XPR1: variants seen among roughly 807,000 people sequenced by gnomAD.
XPR1 encodes the protein xenotropic and polytropic retrovirus receptor 1.
In XPR1, 28 loss-of-function variants were observed where a neutral mutation model predicts 87.5. That is an observed-to-expected ratio of 0.32 (90% CI 0.24 to 0.44). The LOEUF is 0.44. Among genes scored for constraint, XPR1 ranks in the 20% least tolerant of loss-of-function variants. The probability of loss-of-function intolerance (pLI) is 1.00; values close to 1 mark genes in which losing one functional copy is unlikely to be tolerated. For synonymous variants in XPR1, 300 were observed against 306.1 expected (o/e 0.98, Z 0.21); for missense variants, 559 against 862.3 (o/e 0.65, Z 4.41).
At chr1:180,728,179 AAATT>A (rs1658421294) in intron 2 of XPR1, among the ~76,000 whole-genome samples, 1 of 152,200 alleles carries the variant, frequency 6.6e-6, no homozygotes, top group Non-Finnish European at 1.5e-5. Context: ...ATTTTAAAGA[AAATT>A]AAGGTGTTTT....
chr1:180,740,967 C>T (rs900284891), intron 2 of XPR1, among the ~76,000 whole-genome samples: 1 of 152,162 alleles, frequency 6.6e-6, no homozygotes, highest in Non-Finnish European at 1.5e-5. Context: ...AAGGGCTCTG[C>T]CATCATTACC....
At chr1:180,726,742 G>A (rs1339604585) in intron 2 of XPR1, among the ~76,000 whole-genome samples, 3 of 152,040 alleles carry the variant, frequency 2.0e-5, no homozygotes, top group African/African-American at 7.2e-5. Flanking sequence ...GTAAAATAAT[G>A]CCACTCTTCT....
chr1:180,650,755 C>CT (rs1441634935), intron 1 of XPR1, among the ~76,000 whole-genome samples: 1 of 151,986 alleles, frequency 6.6e-6, no homozygotes, highest in Admixed American at 6.6e-5. Flanking sequence ...GCAATTGAGC[C>CT]TTTTTTTCAT....
chr1:180,712,786 A>G (rs576409104), intron 2 of XPR1, among the ~76,000 whole-genome samples: 1 of 152,278 alleles, frequency 6.6e-6, no homozygotes, highest in Non-Finnish European at 1.5e-5. Flanking sequence ...AGCCTGGGCA[A>G]CAGAATGAGA....
intron 3 of XPR1, among the ~76,000 whole-genome samples, chr1:180,800,059 A>T (rs1028410678): frequency 2.0e-5 from 3 of 152,204 alleles, no homozygotes; most frequent in East Asian, 1.9e-4. Flanking sequence ...CCCTTTCTTC[A>T]TCATGTTCCT....
At chr1:180,721,064 A>G (rs1005030726) in intron 2 of XPR1, among the ~76,000 whole-genome samples, 5 of 152,162 alleles carry the variant, frequency 3.3e-5, no homozygotes, top group Admixed American at 2.6e-4. Flanking sequence ...GTGAAACCCC[A>G]TCTCTAGTAA....
At chr1:180,818,005 GA>G (rs60291519) in intron 7 of XPR1, among the ~76,000 whole-genome samples, 56,323 of 141,886 alleles carry the variant, frequency 0.4, 10,738 homozygotes, top group African/African-American at 0.43. Flanking sequence ...GGATATAAGT[GA>G]AAAAAAAAAA....
At position 180,884,123 on chromosome 1, in the gene XPR1, G is replaced by A. The variant is rs1480939434; in HGVS notation, c.*57G>A. On this transcript the variant is annotated 3_prime_UTR_variant, in exon 15 of 15. Coordinates refer to ENST00000367590, the MANE Select transcript of XPR1 (RefSeq NM_004736.4). Reference sequence around the variant, plus strand: ...TTTCCTACTCTACAATCCTTTCCTCGACCAACGCAACCTCTAGTACCTTTC... The same window carrying A: ...TTTCCTACTCTACAATCCTTTCCTCAACCAACGCAACCTCTAGTACCTTTC... 5.8e-6 allele frequency: 9 copies of A among 1,539,988 alleles called. No individual in the cohort carries two copies. Among genetic ancestry groups the A allele is most frequent in the Middle Eastern group, 1.7e-4 (1 of 5,944 alleles).
intron 11 of XPR1, among the ~76,000 whole-genome samples, chr1:180,840,807 A>G (rs1263873247): frequency 6.6e-6 from 1 of 152,064 alleles, no homozygotes; most frequent in Non-Finnish European, 1.5e-5. Flanking sequence ...ATATATGTCC[A>G]TGTGTAAGCA....
intron 1 of XPR1, among the ~76,000 whole-genome samples, chr1:180,660,649 T>C (rs767851983): frequency 4.6e-5 from 7 of 152,240 alleles, no homozygotes; most frequent in Non-Finnish European, 1.0e-4. Flanking sequence ...TGTGTTTGTA[T>C]AGTCTCTAAA....
chr1:180,674,478 T>C (rs1656296714), intron 1 of XPR1, among the ~76,000 whole-genome samples: 1 of 152,088 alleles, frequency 6.6e-6, no homozygotes, highest in African/African-American at 2.4e-5. Context: ...AGGCTGGTCT[T>C]GAACTCCTGA....
chr1:180,720,405 A>G (rs942284105), intron 2 of XPR1, among the ~76,000 whole-genome samples: 1 of 152,202 alleles, frequency 6.6e-6, no homozygotes, highest in African/African-American at 2.4e-5. Flanking sequence ...GAGATACAAC[A>G]TAAAAGACTT....
At chr1:180,837,582 A>G (rs1426469955) in intron 11 of XPR1, among the ~76,000 whole-genome samples, 3 of 152,228 alleles carry the variant, frequency 2.0e-5, no homozygotes, top group African/African-American at 7.2e-5. Context: ...CATTGCTTCA[A>G]TAAACCTTGA....
At chr1:180,823,240 C>CAA (rs35189351) in intron 7 of XPR1, among the ~76,000 whole-genome samples, 49,903 of 135,586 alleles carry the variant, frequency 0.37, 8,779 homozygotes, top group Non-Finnish European at 0.41. Context: ...GACTCCATCT[C>CAA]AAAAAAAAAA....
At chr1:180,818,719 G>A (rs957052865) in intron 7 of XPR1, among the ~76,000 whole-genome samples, 6 of 152,124 alleles carry the variant, frequency 3.9e-5, no homozygotes, top group South Asian at 2.1e-4. Flanking sequence ...ATACTAATTT[G>A]TTTTTTGATT....
rs1212554818 is a variant in XPR1, at chr1:180,813,097, G to A, written c.763+1609G>A. On this transcript the variant is annotated intron_variant, in intron 7 of 14. Coordinates refer to ENST00000367590, the MANE Select transcript of XPR1 (RefSeq NM_004736.4). ...CTCTCCTATTCAAAATTCATTCATG[G>A]CTACTCTTAAAATAAAATCCAAACT... Among the ~76,000 whole-genome samples, 7 of 147,998 alleles carry A rather than the reference G, an allele frequency of 4.7e-5. No individual in the cohort carries two copies. In the South Asian group the frequency reaches 1.5e-3, roughly 32 times the overall value.
intron 11 of XPR1, among the ~76,000 whole-genome samples, chr1:180,859,377 G>T (rs1025419069): frequency 6.6e-6 from 1 of 152,124 alleles, no homozygotes; most frequent in East Asian, 1.9e-4. Context: ...AATGTGGCAG[G>T]CATATACTGG....
intron 2 of XPR1, among the ~76,000 whole-genome samples, chr1:180,714,786 G>GTT (rs112203235): frequency 6.7e-6 from 1 of 148,630 alleles, no homozygotes; most frequent in African/African-American, 2.5e-5. Flanking sequence ...TCTTTTTCTA[G>GTT]TTTTTTTTTT....
At chr1:180,852,384 T>C (rs1194455322) in intron 11 of XPR1, among the ~76,000 whole-genome samples, 1 of 152,032 alleles carries the variant, frequency 6.6e-6, no homozygotes, top group Non-Finnish European at 1.5e-5. Context: ...TACAGAACAT[T>C]TCCATCACCA....
Sources: gnomAD v4.1 joint callset for allele counts (sites outside exome capture counted in the v4.1 genomes callset) on GRCh38, gnomAD v4.1.1 for gene constraint, MANE v1.5 for transcripts, NCBI Gene and HGNC (gene_info 2026-07-23, HGNC 2026-07-21) for gene names.